Variants in JDP2 observed in about 807,000 individuals in gnomAD.
JDP2 encodes the protein Jun dimerization protein 2.
JDP2 carries 9 observed loss-of-function variants against 17.1 expected under a neutral mutation model. The observed-to-expected ratio is 0.53, with a 90% CI of 0.32 to 0.92. The LOEUF (loss-of-function observed/expected upper bound fraction) is 0.92, where lower values mean the gene tolerates loss of function less well. JDP2 is among the 40% of genes least tolerant of loss of function. The probability of loss-of-function intolerance (pLI) is 0.04; values close to 1 mark genes in which losing one functional copy is unlikely to be tolerated. For synonymous variants in JDP2, 107 were observed against 95.6 expected, an observed-to-expected ratio of 1.12 and a Z score of -0.69; for missense variants, 179 against 220.0, an observed-to-expected ratio of 0.81 and a Z score of 1.18.
rs8023120 is a variant in JDP2 at position 75,464,444 on chromosome 14, G to A, written c.306+2914G>A. On this transcript the variant is annotated intron_variant, in intron 3 of 3. Transcript: ENST00000651602. ...TACTGTTTATTCCCTAAACAATGCA[G>A]CATAGCAGCTATTTACATAGCATTT... 3.0e-3 allele frequency among the ~76,000 whole-genome samples: 452 copies of A among 152,292 alleles called. 3 individuals are homozygous for A. Among genetic ancestry groups the A allele is most frequent in the African/African-American group, 0.01 (426 of 41,544 alleles).
At chr14:75,465,175 G>A (rs757405618) in intron 3 of JDP2, among the ~76,000 whole-genome samples, 2 of 152,200 alleles carry the variant, frequency 1.3e-5, no homozygotes, top group Admixed American at 6.5e-5. Flanking sequence ...AGCATAGCTA[G>A]CAAGTAGCAG....
At chr14:75,454,681 T>TA (rs1179019394) in intron 2 of JDP2, among the ~76,000 whole-genome samples, 6 of 151,970 alleles carry the variant, frequency 3.9e-5, no homozygotes, top group Admixed American at 3.9e-4. Flanking sequence ...CACAGGGAGA[T>TA]AGTAACAGGA....
chr14:75,430,982 C>T lies in JDP2; in HGVS notation c.-24+2730C>T, dbSNP rs1181412783. On this transcript the variant is annotated intron_variant, in intron 1 of 3. Transcript: ENST00000651602. The surrounding 1 kb of genome is among the most constrained non-coding windows in gnomAD (Gnocchi z 4.5). ...TTTTTAGTCTGTTTTCTTGCTGCAG[C>T]CCACGGGATTTAGTTGCAGAGCTCC... 6.6e-6 allele frequency among the ~76,000 whole-genome samples: 1 copy of T among 152,110 alleles called. No individual in the cohort carries two copies.
At position 75,434,356 on chromosome 14, in the gene JDP2, G is replaced by A. The variant is rs1884960411; in HGVS notation, c.-23-3542G>A. On this transcript the variant is annotated intron_variant, in intron 1 of 3. Transcript: ENST00000651602. Reference sequence around the variant, plus strand: ...TTCTGGCTGGTGAATATCAGCTGTTGTGGTTGTCTCCTAGGAATGGCATGG... The same window carrying A: ...TTCTGGCTGGTGAATATCAGCTGTTATGGTTGTCTCCTAGGAATGGCATGG... Among the ~76,000 whole-genome samples the A allele has an allele frequency of 2.6e-5, 4 of 152,134 alleles. No individual in the cohort carries two copies. The South Asian group carries it at 8.3e-4, about 32-fold the overall frequency.
At chr14:75,443,117 A>G (rs1885431717) in intron 2 of JDP2, among the ~76,000 whole-genome samples, 1 of 151,904 alleles carries the variant, frequency 6.6e-6, no homozygotes, top group African/African-American at 2.4e-5. Context: ...CCCGTTTTGG[A>G]TGAAGTGTGA....
chr14:75,462,491 A>G (rs998621235), intron 3 of JDP2, among the ~76,000 whole-genome samples: 2 of 152,182 alleles, frequency 1.3e-5, no homozygotes, highest in Non-Finnish European at 2.9e-5. Context: ...GGGTACCTTC[A>G]TTAGTCTCTT....
chr14:75,443,321 A>G (rs1176714984), intron 2 of JDP2, among the ~76,000 whole-genome samples: 1 of 152,174 alleles, frequency 6.6e-6, no homozygotes. Flanking sequence ...AGTGATTTGA[A>G]ACGTAAAGGC....
At chr14:75,465,117 T>C (rs1006142725) in intron 3 of JDP2, among the ~76,000 whole-genome samples, 1 of 152,154 alleles carries the variant, frequency 6.6e-6, no homozygotes, top group African/African-American at 2.4e-5. Flanking sequence ...CCCCACACAA[T>C]ATTCAGGTTG....
In JDP2 at chr14:75,470,257, G is replaced by A. The variant is rs1438141367; in HGVS notation, c.*782G>A. 6.8e-6 allele frequency: 1 copy of A among 146,486 alleles called. No individual in the cohort carries two copies. Among genetic ancestry groups the A allele is most frequent in the East Asian group, 2.0e-4 (1 of 5,014 alleles). 9.1% of individuals were successfully genotyped at this position (146,486 alleles called of 1,614,324 possible). On this transcript the variant is annotated 3_prime_UTR_variant, in exon 4 of 4. Transcript: ENST00000651602. ...ATATGGATTTCTATAATCACTCGAT[G>A]TGATACAGTATAAATATGCTATGGT...
chr14:75,430,067 C>T lies in JDP2; in HGVS notation c.-24+1815C>T, dbSNP rs545249027. 6.6e-6 allele frequency among the ~76,000 whole-genome samples: 1 copy of T among 152,348 alleles called. No individual in the cohort carries two copies. The highest frequency in any genetic ancestry group is 6.5e-5 in the Admixed American group (1 of 15,308). On this transcript the variant is annotated intron_variant, in intron 1 of 3. Transcript: ENST00000651602. The surrounding 1 kb of genome is among the most constrained non-coding windows in gnomAD (Gnocchi z 4.5). ...GGATAAGGGTCTCCCCACTCATCCA[C>T]TGCCTAACTTTTGCAGCTACCAGGG...
chr14:75,468,499 C>G (rs1296858641), intron 3 of JDP2, among the ~76,000 whole-genome samples: 1 of 151,938 alleles, frequency 6.6e-6, no homozygotes, highest in African/African-American at 2.4e-5. Context: ...ATCGATATGC[C>G]CATCTCCCAT....
chr14:75,431,392 G>T (rs562249094), intron 1 of JDP2, among the ~76,000 whole-genome samples: 6 of 152,202 alleles, frequency 3.9e-5, no homozygotes, highest in African/African-American at 1.2e-4. Flanking sequence ...AGGGATCACG[G>T]CTGCCAGTGT....
intron 2 of JDP2, among the ~76,000 whole-genome samples, chr14:75,439,202 T>C (rs2140049008): frequency 6.6e-6 from 1 of 152,298 alleles, no homozygotes; most frequent in East Asian, 1.9e-4. Flanking sequence ...CAACTATCTC[T>C]CAGCTCCCCT....
intron 1 of JDP2, among the ~76,000 whole-genome samples, chr14:75,431,876 C>T (rs918899782): frequency 1.1e-4 from 16 of 152,368 alleles, no homozygotes; most frequent in African/African-American, 3.6e-4. Flanking sequence ...TGACTTCACT[C>T]TTACTATGTG....
chr14:75,469,217 TA>T (rs1886702812), intron 3 of JDP2, 72 bp from the exon 4 acceptor site: 8 of 1,467,604 alleles, frequency 5.5e-6, no homozygotes, highest in Non-Finnish European at 7.5e-6. Flanking sequence ...GCCCTGTGCC[TA>T]ACCACAGGCA....
intron 2 of JDP2, among the ~76,000 whole-genome samples, chr14:75,447,726 C>T (rs550097635): frequency 1.5e-4 from 23 of 152,148 alleles, no homozygotes; most frequent in Non-Finnish European, 2.5e-4. Context: ...GGCGTGATCT[C>T]GGCTCACTGC....
Position 75,473,056 on chromosome 14 carries a change from G to C in JDP2, c.*3581G>C, listed in dbSNP as rs2140009095. ...ACAAGACGCTTTAGCTATCAGATGG[G>C]CAGAAACAAGTATGTGTTGGTAAGA... On this transcript the variant is annotated 3_prime_UTR_variant, in exon 4 of 4. Transcript: ENST00000651602. The C allele has an allele frequency of 6.6e-6, 1 of 152,372 alleles. No individual in the cohort carries two copies. Among genetic ancestry groups the C allele is most frequent in the Non-Finnish European group, 1.5e-5 (1 of 68,052 alleles). 9.4% of individuals were successfully genotyped at this position (152,372 alleles called of 1,614,324 possible).
chr14:75,449,146 A>G (rs1055627270), intron 2 of JDP2, among the ~76,000 whole-genome samples: 6 of 152,206 alleles, frequency 3.9e-5, no homozygotes, highest in Non-Finnish European at 7.3e-5. Flanking sequence ...GATGAAATGC[A>G]TGTTTTAGCC....
chr14:75,472,917 T>G lies in JDP2; in HGVS notation c.*3442T>G, dbSNP rs1340056634. The G allele has an allele frequency of 6.6e-6, 1 of 152,272 alleles. No individual in the cohort carries two copies. The highest frequency in any genetic ancestry group is 1.5e-5 in the Non-Finnish European group (1 of 68,070). The allele number at this position is 152,272 out of a possible 1,614,324, so 9.4% of individuals were successfully genotyped here. A position where few individuals can be genotyped will look rare whatever the true frequency, so the allele number is the denominator to read the frequency against. ...CATGCTGGATGCATCATTCCCTCCC[T>G]GGGCCTCAGTGTGCCCTCCTGCCAG... On this transcript the variant is annotated 3_prime_UTR_variant, in exon 4 of 4. Transcript: ENST00000651602.
Sources: gnomAD v4.1 joint callset for allele counts (sites outside exome capture counted in the v4.1 genomes callset) on GRCh38, gnomAD v4.1.1 for gene constraint, Gnocchi (gnomAD v3.1) non-coding constraint, MANE v1.5 for transcripts, NCBI Gene and HGNC (gene_info 2026-07-23, HGNC 2026-07-21) for gene names.